The following EML5 variants were observed in gnomAD, a reference collection of about 807,000 sequenced individuals.
The protein encoded by EML5 is echinoderm microtubule-associated protein-like 5.
A neutral mutation model predicts 250.0 loss-of-function variants in EML5; 120 were observed. The observed-to-expected ratio is 0.48, with a 90% CI of 0.41 to 0.56. EML5 has a LOEUF of 0.56. EML5 is among the 20% of genes least tolerant of loss of function. EML5 has a pLI of 0.00. For missense variants in EML5, 2,006 were observed against 2,437.6 expected, an observed-to-expected ratio of 0.82 and a Z score of 3.73; for synonymous variants, 771 against 806.5, an observed-to-expected ratio of 0.96 and a Z score of 0.75.
At chr14:88,680,895 G>A (rs1250676316) in intron 21 of EML5, among the ~76,000 whole-genome samples, 1 of 151,902 alleles carries the variant, frequency 6.6e-6, no homozygotes, top group African/African-American at 2.4e-5. Context: ...ACCACTAGGA[G>A]GGAGTCAGCA....
At position 88,738,894 on chromosome 14, in the gene EML5, C is replaced by T. The variant is rs1289361803; in HGVS notation, c.832G>A (p.Asp278Asn). 3 of 1,572,918 alleles carry T rather than the reference C, an allele frequency of 1.9e-6. No homozygotes were observed. Among genetic ancestry groups the T allele is most frequent in the Non-Finnish European group, 2.6e-6 (3 of 1,158,228 alleles). Residue 278 changes from aspartate (D) to asparagine (N), a missense_variant, in exon 6 of 44, where the codon GAC (aspartate) becomes AAC (asparagine). By Grantham distance (23) the Asp-to-Asn change is conservative. Transcript: ENST00000554922. The stretch of plus-strand genomic sequence containing the variant: ...TTGTTATTACCTTTGTATCCCTGGT[C>T]TGTTTCCCTGAGATCAATCACAGTA... Reference protein sequence around the residue: ...PITVIDLRETDQGYKGLSVRS... With the variant: ...PITVIDLRETNQGYKGLSVRS...
chr14:88,674,241 G>C (rs1476146017), intron 21 of EML5, among the ~76,000 whole-genome samples: 1 of 152,100 alleles, frequency 6.6e-6, no homozygotes, highest in African/African-American at 2.4e-5. Context: ...TGCACTTCAG[G>C]CTGGGCTAAA....
chr14:88,752,004 A>G (rs1019247508), intron 2 of EML5, among the ~76,000 whole-genome samples: 13 of 152,208 alleles, frequency 8.5e-5, no homozygotes, highest in Admixed American at 7.9e-4. Context: ...GCTTAGCATA[A>G]TACCTGGCAC....
At chr14:88,776,919 G>A (rs1210216210) in intron 1 of EML5, among the ~76,000 whole-genome samples, 2 of 151,850 alleles carry the variant, frequency 1.3e-5, no homozygotes, top group East Asian at 1.9e-4. Flanking sequence ...AAACAATGAA[G>A]TACCCCTATA....
chr14:88,646,152 T>C (rs2091336963), intron 29 of EML5, among the ~76,000 whole-genome samples: 1 of 152,142 alleles, frequency 6.6e-6, no homozygotes. Context: ...ACTCCAACAT[T>C]TATGAACAAG....
intron 27 of EML5, among the ~76,000 whole-genome samples, chr14:88,653,408 T>C (rs59805799): frequency 0.01 from 1,561 of 152,292 alleles, 25 homozygotes; most frequent in African/African-American, 0.036. Flanking sequence ...TTTTTGCCCA[T>C]TGAGTATGAT....
At chr14:88,706,540 T>A in intron 10 of EML5, 114 bp from the exon 11 acceptor site, 1 of 797,622 alleles carries the variant, frequency 1.3e-6, no homozygotes, top group Non-Finnish European at 1.8e-6. Flanking sequence ...TATAAACAAA[T>A]GGGAAAAATG....
At chr14:88,668,070 T>C (rs1192290086) in intron 21 of EML5, among the ~76,000 whole-genome samples, 1 of 152,242 alleles carries the variant, frequency 6.6e-6, no homozygotes, top group African/African-American at 2.4e-5. Context: ...CAAACAGGTC[T>C]GAATCACCTT....
intron 8 of EML5, among the ~76,000 whole-genome samples, chr14:88,724,223 C>T (rs1054641779): frequency 6.8e-6 from 1 of 148,008 alleles, no homozygotes; most frequent in South Asian, 2.1e-4. Flanking sequence ...TGCAGTGAGC[C>T]GAGATTGCGC....
chr14:88,712,509 T>C (rs1280292360), intron 9 of EML5, 26 bp from the exon 10 acceptor site: 6 of 1,564,962 alleles, frequency 3.8e-6, no homozygotes, highest in Non-Finnish European at 5.2e-6. Flanking sequence ...AGTCTTAATT[T>C]AAAAAGTTAT....
At chr14:88,646,996 A>G in intron 28 of EML5, 41 bp from the exon 29 acceptor site, 1 of 1,579,980 alleles carries the variant, frequency 6.3e-7, no homozygotes, top group Non-Finnish European at 8.5e-7. Context: ...ATTACAACAT[A>G]AATTTGAATT....
chr14:88,695,015 CT>C (rs2093044903), intron 16 of EML5, among the ~76,000 whole-genome samples: 1 of 151,852 alleles, frequency 6.6e-6, no homozygotes, highest in Non-Finnish European at 1.5e-5. Context: ...GCATATATAT[CT>C]TTTTTCACTT....
chr14:88,744,604 CTTCA>C (rs2093978110), intron 3 of EML5, among the ~76,000 whole-genome samples: 1 of 151,876 alleles, frequency 6.6e-6, no homozygotes. Flanking sequence ...AGTCTCCAGG[CTTCA>C]TTATTTTCTA....
chr14:88,701,508 A>G (rs1421883581), intron 14 of EML5, among the ~76,000 whole-genome samples: 5 of 152,052 alleles, frequency 3.3e-5, no homozygotes, highest in Non-Finnish European at 2.9e-5. Flanking sequence ...AATGTTTTTG[A>G]GTGAATGAAA....
intron 5 of EML5, 24 bp from the exon 6 acceptor site, chr14:88,739,038 T>C (rs753829321): frequency 5.1e-6 from 8 of 1,570,540 alleles, no homozygotes; most frequent in Non-Finnish European, 6.0e-6. Flanking sequence ...TAAAATAATT[T>C]AACGACAAAT....
At chr14:88,664,403 C>T in intron 23 of EML5, 90 bp downstream of exon 23, 1 of 1,075,146 alleles carries the variant, frequency 9.3e-7, no homozygotes, top group Non-Finnish European at 1.3e-6. Flanking sequence ...CTTTTTAACT[C>T]ATCTGTTGAA....
chr14:88,651,751 A>G (rs559555468), intron 27 of EML5, among the ~76,000 whole-genome samples: 19 of 151,964 alleles, frequency 1.3e-4, no homozygotes, highest in Non-Finnish European at 2.5e-4. Flanking sequence ...TATCTAATAA[A>G]TACATATGTA....
intron 35 of EML5, 48 bp downstream of exon 35, chr14:88,626,790 G>C: frequency 6.3e-7 from 1 of 1,584,476 alleles, no homozygotes; most frequent in Non-Finnish European, 8.6e-7. Flanking sequence ...TAAGGCAAGA[G>C]AATGTAAAGT....
rs750144508 is a variant in EML5, at chr14:88,627,687, A to G, written c.4490T>C (p.Leu1497Pro). Residue 1497 changes from leucine to proline, a missense_variant, in exon 34 of 44, where the codon CTA (leucine) becomes CCA (proline). By Grantham distance (98) the Leu-to-Pro change is moderately conservative. This residue lies in a region of EML5 where 3 missense variants were observed against 20.1 expected (regional missense o/e 0.15). Coordinates refer to ENST00000554922, the MANE Select transcript of EML5 (RefSeq NM_183387.3). ...AATGGTAATAGTATGTTCTGGGTCT[A>G]GTCCCACAGACAGCAATAGTTTGCC... ...ATGKLLLSVG[L>P]DPEHTITIWR... 1.2e-6 allele frequency: 2 copies of G among 1,613,358 alleles called. No homozygotes were observed. Among genetic ancestry groups the G allele is most frequent in the South Asian group, 1.1e-5 (1 of 90,942 alleles).
Sources: gnomAD v4.1 joint callset for allele counts (sites outside exome capture counted in the v4.1 genomes callset) on GRCh38, gnomAD v4.1.1 for gene constraint, gnomAD v4.1.1 regional missense constraint, MANE v1.5 for transcripts, NCBI Gene and HGNC (gene_info 2026-07-23, HGNC 2026-07-21) for gene names.